Variants in DNM3 observed in about 807,000 individuals in gnomAD.
DNM3 encodes dynamin-3.
Under a neutral mutation model 101.6 loss-of-function variants are expected in DNM3, and 47 were observed. The observed-to-expected ratio is 0.46, with a 90% confidence interval of 0.37 to 0.59. The LOEUF (loss-of-function observed/expected upper bound fraction) is 0.59, where lower values mean the gene tolerates loss of function less well. DNM3 is among the 20% of genes least tolerant of loss of function. The probability of loss-of-function intolerance (pLI) is 0.00; values close to 1 mark genes in which losing one functional copy is unlikely to be tolerated. For synonymous variants in DNM3, 385 were observed against 387.9 expected, an observed-to-expected ratio of 0.99 and a Z score of 0.09; for missense variants, 849 against 1,085.7, an observed-to-expected ratio of 0.78 and a Z score of 3.06.
intron 2 of DNM3, among the ~76,000 whole-genome samples, chr1:171,943,919 A>G (rs2041979124): frequency 6.6e-6 from 1 of 152,160 alleles, no homozygotes; most frequent in Non-Finnish European, 1.5e-5. Flanking sequence ...AGAGGGAGTA[A>G]TCATTTCCCC....
chr1:172,397,107 G>C (rs1051431713), intron 20 of DNM3: 3 of 152,586 alleles, frequency 2.0e-5, no homozygotes, highest in Admixed American at 2.0e-4. Flanking sequence ...CACTGCTCTC[G>C]CTATAATACC....
intron 17 of DNM3, among the ~76,000 whole-genome samples, chr1:172,377,103 T>C (rs2068641214): frequency 6.6e-6 from 1 of 152,090 alleles, no homozygotes; most frequent in Admixed American, 6.6e-5. Flanking sequence ...TTTATAACTA[T>C]CAGTACTTTA....
At chr1:172,128,693 C>G (rs1199852397) in intron 13 of DNM3, among the ~76,000 whole-genome samples, 1 of 152,110 alleles carries the variant, frequency 6.6e-6, no homozygotes, top group Non-Finnish European at 1.5e-5. Flanking sequence ...TTAATGGAAA[C>G]TAGTCAATAG....
At chr1:172,388,952 G>C in intron 20 of DNM3, 143 bp downstream of exon 20, 2 of 719,334 alleles carry the variant, frequency 2.8e-6, no homozygotes, top group South Asian at 1.9e-5. Context: ...GAGACTATAG[G>C]AAAATTGCCA....
chr1:172,323,362 A>C (rs1483378276), intron 17 of DNM3, 22 bp downstream of exon 17: 6 of 1,605,410 alleles, frequency 3.7e-6, no homozygotes, highest in East Asian at 4.5e-5. Context: ...GTCCTCTTGC[A>C]GCTCTTCTGT....
chr1:172,081,106 G>T (rs1049064907), intron 11 of DNM3, among the ~76,000 whole-genome samples: 4 of 150,332 alleles, frequency 2.7e-5, no homozygotes, highest in South Asian at 4.2e-4. Context: ...ATTATTAAGA[G>T]ATGGGGTCTT....
chr1:172,327,493 G>C (rs538831594), intron 17 of DNM3, among the ~76,000 whole-genome samples: 7 of 152,162 alleles, frequency 4.6e-5, no homozygotes, highest in Non-Finnish European at 8.8e-5. Flanking sequence ...TCCTCACAAT[G>C]TGAAAATGTC....
chr1:171,891,696 G>T (rs1366222765), intron 1 of DNM3, among the ~76,000 whole-genome samples: 1 of 152,142 alleles, frequency 6.6e-6, no homozygotes, highest in African/African-American at 2.4e-5. Context: ...AGATTTCTCT[G>T]ATGTTTTTCT....
chr1:171,936,341 ACT>A (rs2041419834), intron 2 of DNM3, among the ~76,000 whole-genome samples: 2 of 139,754 alleles, frequency 1.4e-5, no homozygotes, highest in Admixed American at 7.4e-5. Flanking sequence ...ACAGAGTGAG[ACT>A]CTGTCTCAAA....
intron 14 of DNM3, among the ~76,000 whole-genome samples, chr1:172,167,251 A>G (rs1351887179): frequency 6.6e-6 from 1 of 152,076 alleles, no homozygotes. Flanking sequence ...ACATGCACTC[A>G]TCCTTTTTTA....
chr1:171,996,720 A>C, intron 4 of DNM3, among the ~76,000 whole-genome samples: 1 of 152,116 alleles, frequency 6.6e-6, no homozygotes, highest in East Asian at 1.9e-4. Flanking sequence ...ATAATAATTA[A>C]GATAAATTAT....
At chr1:171,940,143 TG>T (rs2041715955) in intron 2 of DNM3, among the ~76,000 whole-genome samples, 2 of 152,196 alleles carry the variant, frequency 1.3e-5, no homozygotes, top group Non-Finnish European at 2.9e-5. Flanking sequence ...ATTTATAAGA[TG>T]GTTTTGTACT....
At chr1:172,219,236 C>A (rs1360936910) in intron 14 of DNM3, among the ~76,000 whole-genome samples, 3 of 151,820 alleles carry the variant, frequency 2.0e-5, no homozygotes, top group Non-Finnish European at 4.4e-5. Context: ...GTGGCATGCA[C>A]CCCTGGTCCC....
intron 14 of DNM3, among the ~76,000 whole-genome samples, chr1:172,175,479 T>C (rs1338665446): frequency 6.6e-6 from 1 of 151,746 alleles, no homozygotes; most frequent in Non-Finnish European, 1.5e-5. Flanking sequence ...GGTATGATCC[T>C]AATTTCTTAA....
chr1:172,149,814 C>A (rs1259209602), intron 14 of DNM3, among the ~76,000 whole-genome samples: 1 of 151,982 alleles, frequency 6.6e-6, no homozygotes, highest in Non-Finnish European at 1.5e-5. Context: ...TATAAGGACA[C>A]AGAAACTACT....
intron 11 of DNM3, among the ~76,000 whole-genome samples, chr1:172,079,549 T>C (rs2052962854): frequency 6.6e-6 from 1 of 152,182 alleles, no homozygotes; most frequent in African/African-American, 2.4e-5. Flanking sequence ...TTAGCTTCCT[T>C]GCATTGGGTT....
At chr1:172,232,708 C>G (rs1293149726) in intron 14 of DNM3, among the ~76,000 whole-genome samples, 1 of 152,200 alleles carries the variant, frequency 6.6e-6, no homozygotes, top group Non-Finnish European at 1.5e-5. Context: ...ACAGTGCAAT[C>G]AAGCTAGAAC....
intron 2 of DNM3, among the ~76,000 whole-genome samples, chr1:171,942,681 G>A (rs2041899150): frequency 6.6e-6 from 1 of 152,132 alleles, no homozygotes; most frequent in Admixed American, 6.5e-5. Flanking sequence ...GCTATGGAAG[G>A]CAAAAAGTTT....
intron 17 of DNM3, among the ~76,000 whole-genome samples, chr1:172,345,389 C>T (rs1573546287): frequency 1.3e-5 from 2 of 152,202 alleles, no homozygotes; most frequent in African/African-American, 4.8e-5. Flanking sequence ...AAACAGTTCT[C>T]AGCCAAGTGA....
Sources: allele counts gnomAD v4.1 joint callset (sites outside exome capture counted in the v4.1 genomes callset), GRCh38; gene constraint gnomAD v4.1.1; transcripts MANE v1.5; gene names NCBI Gene and HGNC (gene_info 2026-07-23, HGNC 2026-07-21).